The following ENTREP1 variants were observed in gnomAD, a reference collection of about 807,000 sequenced individuals.
ENTREP1 encodes the protein endosomal transmembrane epsin interactor 1.
chr9:69,332,684 A>AAG, the ENTREP1 span, among the ~76,000 whole-genome samples: 1 of 152,236 alleles, frequency 6.6e-6, no homozygotes, highest in Non-Finnish European at 1.5e-5. Flanking sequence ...GGAAGAAATA[A>AAG]AGATAGCTTA....
chr9:69,391,177 G>C, the ENTREP1 span, among the ~76,000 whole-genome samples: 2 of 152,126 alleles, frequency 1.3e-5, no homozygotes, highest in Non-Finnish European at 2.9e-5. Flanking sequence ...TCCTGAGCCT[G>C]AGTCCAGGCT....
chr9:69,335,441 AC>A, the ENTREP1 span, among the ~76,000 whole-genome samples: 4 of 152,224 alleles, frequency 2.6e-5, no homozygotes, highest in Non-Finnish European at 5.9e-5. Flanking sequence ...CTGGGAGGAC[AC>A]AGCACTTCAG....
the ENTREP1 span, among the ~76,000 whole-genome samples, chr9:69,354,921 C>T: frequency 6.6e-6 from 1 of 152,202 alleles, no homozygotes; most frequent in Non-Finnish European, 1.5e-5. Flanking sequence ...ATCCATTAAA[C>T]CGTTCCCTCC....
the ENTREP1 span, among the ~76,000 whole-genome samples, chr9:69,390,946 ATTTTTTT>A: frequency 2.2e-5 from 3 of 133,632 alleles, no homozygotes; most frequent in Non-Finnish European, 3.2e-5. Context: ...CAGCTAATTA[ATTTTTTT>A]TTTTTTTTTT....
chr9:69,352,567 T>C, the ENTREP1 span, among the ~76,000 whole-genome samples: 8 of 152,240 alleles, frequency 5.3e-5, no homozygotes, highest in Non-Finnish European at 1.2e-4. Flanking sequence ...GAGGTGTTAT[T>C]AGTATCCTCA....
At chr9:69,325,396 T>TGCC in the ENTREP1 span, 3 of 1,097,356 alleles carry the variant, frequency 2.7e-6, no homozygotes, top group Non-Finnish European at 3.3e-6. Flanking sequence ...CGGGCGCCGC[T>TGCC]GCCGCCGCCG....
the ENTREP1 span, among the ~76,000 whole-genome samples, chr9:69,389,698 G>C: frequency 2.0e-5 from 3 of 152,242 alleles, no homozygotes; most frequent in East Asian, 1.9e-4. Context: ...AGGCTGCCAA[G>C]CTCTGATGAG....
chr9:69,380,054 A>T, the ENTREP1 span: 4 of 152,354 alleles, frequency 2.6e-5, no homozygotes, highest in African/African-American at 9.6e-5. Flanking sequence ...TATCCTTCAA[A>T]ACTTTCTAGA....
the ENTREP1 span, among the ~76,000 whole-genome samples, chr9:69,349,860 ATACTG>A: frequency 5.3e-5 from 8 of 152,220 alleles, no homozygotes; most frequent in Non-Finnish European, 1.0e-4. Flanking sequence ...AACTTATTGA[ATACTG>A]TACTGAATAT....
chr9:69,363,306 T>C, the ENTREP1 span, among the ~76,000 whole-genome samples: 2 of 152,120 alleles, frequency 1.3e-5, no homozygotes, highest in South Asian at 4.2e-4. Context: ...CAGTAACCCA[T>C]AGTGTTCACT....
chr9:69,333,590 C>T, the ENTREP1 span, among the ~76,000 whole-genome samples: 4 of 152,158 alleles, frequency 2.6e-5, no homozygotes, highest in African/African-American at 9.7e-5. Context: ...CAGGTGTGAG[C>T]CACTGCGCCT....
chr9:69,362,255 C>G, the ENTREP1 span, among the ~76,000 whole-genome samples: 1 of 152,024 alleles, frequency 6.6e-6, no homozygotes, highest in South Asian at 2.1e-4. Context: ...CAATACCAAG[C>G]TGTGATAGGC....
chr9:69,351,190 G>A, the ENTREP1 span, among the ~76,000 whole-genome samples: 2 of 152,218 alleles, frequency 1.3e-5, no homozygotes, highest in African/African-American at 4.8e-5. Context: ...ATGTAAAGTA[G>A]CCATTTTAAA....
the ENTREP1 span, among the ~76,000 whole-genome samples, chr9:69,333,183 CGTGCTA>C: frequency 6.6e-6 from 1 of 151,616 alleles, no homozygotes; most frequent in East Asian, 1.9e-4. Context: ...AATATGTAAA[CGTGCTA>C]GATTGTTAAC....
At chr9:69,324,752 T>C in the ENTREP1 span, 1 of 985,634 alleles carries the variant, frequency 1.0e-6, no homozygotes, top group Non-Finnish European at 1.2e-6. Context: ...ATCCCCCTCC[T>C]TGGGCAAAAG....
At chr9:69,328,777 T>C in the ENTREP1 span, among the ~76,000 whole-genome samples, 1 of 152,176 alleles carries the variant, frequency 6.6e-6, no homozygotes, top group African/African-American at 2.4e-5. Context: ...AGTGTACTGG[T>C]CAATGGTTTT....
chr9:69,371,702 T>C, the ENTREP1 span: 6 of 833,230 alleles, frequency 7.2e-6, no homozygotes, highest in Admixed American at 9.3e-5. Context: ...ATCAGGCAAC[T>C]GTCCTGAAGT....
chr9:69,348,000 C>A, the ENTREP1 span, among the ~76,000 whole-genome samples: 1 of 152,256 alleles, frequency 6.6e-6, no homozygotes, highest in Admixed American at 6.5e-5. Flanking sequence ...CATGTTTGGA[C>A]CATGACTTTG....
the ENTREP1 span, among the ~76,000 whole-genome samples, chr9:69,389,942 A>G: frequency 6.6e-6 from 1 of 152,216 alleles, no homozygotes; most frequent in African/African-American, 2.4e-5. Flanking sequence ...CCTAGAGGTG[A>G]GCTTTCACAA....
Sources: allele counts gnomAD v4.1 joint callset (sites outside exome capture counted in the v4.1 genomes callset), GRCh38; gene constraint gnomAD v4.1.1; transcripts MANE v1.5; gene names NCBI Gene and HGNC (gene_info 2026-07-23, HGNC 2026-07-21).